SDK1: variants seen among roughly 807,000 people sequenced by gnomAD.
SDK1 encodes sidekick cell adhesion molecule 1.
A neutral mutation model predicts 245.5 loss-of-function variants in SDK1; 157 were observed. That is an observed-to-expected ratio of 0.64 (90% confidence interval 0.56 to 0.73). The LOEUF (loss-of-function observed/expected upper bound fraction) is 0.73. Among genes scored for constraint, SDK1 ranks in the 30% least tolerant of loss-of-function variants. The probability of loss-of-function intolerance (pLI) is 0.00; values close to 1 mark genes in which losing one functional copy is unlikely to be tolerated. For synonymous variants in SDK1, 1,647 were observed against 1,278.5 expected (o/e 1.29, Z -6.15); for missense variants, 3,583 against 3,002.3 (o/e 1.19, Z -4.52).
chr7:3,326,516 A>G (rs188141504), intron 1 of SDK1, among the ~76,000 whole-genome samples: 22 of 152,250 alleles, frequency 1.4e-4, no homozygotes, highest in Admixed American at 9.8e-4. Flanking sequence ...AGTTTAGGGT[A>G]AATACTTTGA....
chr7:3,334,179 G>A (rs1438550727), intron 1 of SDK1, among the ~76,000 whole-genome samples: 1 of 152,150 alleles, frequency 6.6e-6, no homozygotes, highest in African/African-American at 2.4e-5. Context: ...CTAGAAGGTG[G>A]GAGTAGATTG....
Position 3,459,167 on chromosome 7 carries a change from C to T in SDK1, c.298+157283C>T, listed in dbSNP as rs114171919. Among the ~76,000 whole-genome samples, 831 of 152,270 alleles carry T rather than the reference C, an allele frequency of 5.5e-3. 6 individuals carry two copies. Among genetic ancestry groups the T allele is most frequent in the African/African-American group, 0.019 (787 of 41,552 alleles). On this transcript the variant is annotated intron_variant, in intron 1 of 44. Coordinates refer to ENST00000404826, the MANE Select transcript of SDK1 (RefSeq NM_152744.4). Reference sequence around the variant, plus strand: ...TGTATTCTTTTTGTTGTAACTCTTGCATTTTATCTGAAATTGCATGAGAAG... The same window carrying T: ...TGTATTCTTTTTGTTGTAACTCTTGTATTTTATCTGAAATTGCATGAGAAG...
rs1786986569 is a variant in SDK1 at position 4,022,575 on chromosome 7, G to T, written c.2602+5223G>T. ...CAGGCTGCCCTGGTTGGCACAAGCAGCAGGCAGGGAGCAATGGAGAAGCTG... is the reference window on the plus strand; with the variant it reads ...CAGGCTGCCCTGGTTGGCACAAGCATCAGGCAGGGAGCAATGGAGAAGCTG... On this transcript the variant is annotated intron_variant, in intron 17 of 44. Coordinates refer to ENST00000404826, the MANE Select transcript of SDK1 (RefSeq NM_152744.4). 4.6e-5 allele frequency among the ~76,000 whole-genome samples: 7 copies of T among 152,280 alleles called. 1 individual carries two copies. In the South Asian group the frequency reaches 1.5e-3, roughly 32 times the overall value.
At chr7:3,800,224 C>G (rs1779072024) in intron 4 of SDK1, among the ~76,000 whole-genome samples, 1 of 152,018 alleles carries the variant, frequency 6.6e-6, no homozygotes, top group African/African-American at 2.4e-5. Flanking sequence ...TTTTTAATCC[C>G]TTGTTCTCTC....
chr7:3,327,365 A>C (rs1779963438), intron 1 of SDK1, among the ~76,000 whole-genome samples: 1 of 152,210 alleles, frequency 6.6e-6, no homozygotes, highest in South Asian at 2.1e-4. Flanking sequence ...AGTAGCAATA[A>C]ATTTTATCTC....
intron 1 of SDK1, among the ~76,000 whole-genome samples, chr7:3,606,354 C>T (rs988753493): frequency 7.9e-5 from 12 of 152,158 alleles, no homozygotes; most frequent in African/African-American, 2.9e-4. Flanking sequence ...AGTGGTCTCC[C>T]GGCTTCAGCA....
At chr7:3,336,364 C>T (rs1456032968) in intron 1 of SDK1, among the ~76,000 whole-genome samples, 1 of 152,124 alleles carries the variant, frequency 6.6e-6, no homozygotes, top group Non-Finnish European at 1.5e-5. Flanking sequence ...GATCTTCCAC[C>T]CTCTGCCTGG....
intron 5 of SDK1, among the ~76,000 whole-genome samples, chr7:3,856,314 T>C (rs1199943887): frequency 6.6e-6 from 1 of 151,744 alleles, no homozygotes. Flanking sequence ...CAAGAAAATA[T>C]ATGAAAAGAG....
At chr7:3,816,027 A>T (rs1236916154) in intron 4 of SDK1, among the ~76,000 whole-genome samples, 9 of 143,332 alleles carry the variant, frequency 6.3e-5, no homozygotes, top group Middle Eastern at 7.0e-3. Context: ...GGCAGAAATA[A>T]AGATGTTCTT....
intron 1 of SDK1, among the ~76,000 whole-genome samples, chr7:3,405,662 A>G (rs904922734): frequency 6.6e-6 from 1 of 152,166 alleles, no homozygotes; most frequent in Non-Finnish European, 1.5e-5. Flanking sequence ...GGTTATAAGG[A>G]AAGCTCACTT....
chr7:3,842,487 C>G (rs1369950410), intron 5 of SDK1, among the ~76,000 whole-genome samples: 1 of 152,144 alleles, frequency 6.6e-6, no homozygotes, highest in Non-Finnish European at 1.5e-5. Context: ...TACTAGGTCG[C>G]TGTACTGGCA....
chr7:3,791,851 T>C (rs973046494), intron 4 of SDK1, among the ~76,000 whole-genome samples: 1 of 152,080 alleles, frequency 6.6e-6, no homozygotes, highest in Non-Finnish European at 1.5e-5. Context: ...GAGTCAGGCA[T>C]GGTGGCTCAT....
intron 5 of SDK1, among the ~76,000 whole-genome samples, chr7:3,915,246 C>T (rs563829957): frequency 6.6e-6 from 1 of 152,316 alleles, no homozygotes; most frequent in East Asian, 1.9e-4. Context: ...TGTAGAAAGC[C>T]AGTGGCTAAA....
In SDK1 at chr7:3,958,905, G is replaced by C. The variant is rs750893505; in HGVS notation, c.1151-26G>C. The C allele has an allele frequency of 3.5e-5, 55 of 1,583,130 alleles. No homozygotes were observed. In the South Asian group the frequency reaches 5.8e-4, roughly 17 times the overall value. ...TGACATATCCTTCTTTGGCTTAGGGGCTTTTTTTTATTTTCTTGTTTGAAG... is the reference window on the plus strand; with the variant it reads ...TGACATATCCTTCTTTGGCTTAGGGCCTTTTTTTTATTTTCTTGTTTGAAG... On this transcript the variant is annotated intron_variant, in intron 7 of 44. Coordinates refer to ENST00000404826, the MANE Select transcript of SDK1 (RefSeq NM_152744.4).
At chr7:3,578,450 C>G (rs1015168958) in intron 1 of SDK1, among the ~76,000 whole-genome samples, 3 of 152,022 alleles carry the variant, frequency 2.0e-5, no homozygotes, top group Admixed American at 1.3e-4. Flanking sequence ...TAACAAACAT[C>G]TTAACAGAAA....
intron 1 of SDK1, among the ~76,000 whole-genome samples, chr7:3,452,985 G>T (rs562164659): frequency 5.1e-4 from 77 of 152,180 alleles, no homozygotes; most frequent in African/African-American, 1.8e-3. Context: ...ACTACTCATG[G>T]CCATTGTGGG....
intron 5 of SDK1, among the ~76,000 whole-genome samples, chr7:3,847,301 G>A (rs768062875): frequency 5.9e-5 from 9 of 152,180 alleles, no homozygotes; most frequent in Non-Finnish European, 1.2e-4. Flanking sequence ...TGTCACTATC[G>A]ACTTGGTCGC....
chr7:3,899,548 G>T (rs1296552629), intron 5 of SDK1, among the ~76,000 whole-genome samples: 1 of 152,236 alleles, frequency 6.6e-6, no homozygotes, highest in Non-Finnish European at 1.5e-5. Flanking sequence ...GTCCTCAGCT[G>T]TCCCCGGGTG....
At chr7:3,598,899 A>G (rs1323848755) in intron 1 of SDK1, among the ~76,000 whole-genome samples, 1 of 152,122 alleles carries the variant, frequency 6.6e-6, no homozygotes, top group African/African-American at 2.4e-5. Flanking sequence ...TTTGGCTGTC[A>G]TGACTAAAGC....
Sources: gnomAD v4.1 joint callset for allele counts (sites outside exome capture counted in the v4.1 genomes callset) on GRCh38, gnomAD v4.1.1 for gene constraint, MANE v1.5 for transcripts, NCBI Gene and HGNC (gene_info 2026-07-23, HGNC 2026-07-21) for gene names.